Variants in YPEL2 observed in about 807,000 individuals in gnomAD.
The protein encoded by YPEL2 is protein yippee-like 2.
Under a neutral mutation model 19.1 loss-of-function variants are expected in YPEL2, and 2 were observed. The observed-to-expected ratio is 0.10, with a 90% CI of 0.04 to 0.33. YPEL2 has a LOEUF of 0.33. YPEL2 is among the 10% of genes least tolerant of loss of function. YPEL2 has a pLI of 1.00. For missense variants in YPEL2, 66 were observed against 140.7 expected (o/e 0.47, Z 2.68); for synonymous variants, 52 against 50.0 (o/e 1.04, Z -0.17).
intron 4 of YPEL2, among the ~76,000 whole-genome samples, chr17:59,395,632 C>G (rs2048035039): frequency 6.6e-6 from 1 of 152,110 alleles, no homozygotes; most frequent in South Asian, 2.1e-4. Context: ...TAAGGACTGC[C>G]AGGTTCTCTG....
chr17:59,384,682 G>C (rs557985897), intron 2 of YPEL2, among the ~76,000 whole-genome samples: 88 of 152,306 alleles, frequency 5.8e-4, no homozygotes, highest in African/African-American at 2.1e-3. Flanking sequence ...AAATGAGCTA[G>C]TATTTTCTCC....
intron 1 of YPEL2, among the ~76,000 whole-genome samples, chr17:59,333,299 A>T (rs2047681407): frequency 6.6e-6 from 1 of 152,156 alleles, no homozygotes; most frequent in Non-Finnish European, 1.5e-5. Flanking sequence ...ATAGGATCTC[A>T]GGCAGGAGTG....
At chr17:59,364,601 T>A (rs1036735636) in intron 2 of YPEL2, among the ~76,000 whole-genome samples, 1 of 148,370 alleles carries the variant, frequency 6.7e-6, no homozygotes, top group Non-Finnish European at 1.5e-5. Context: ...CATTAAGTAA[T>A]CCCTCTGTGT....
intron 2 of YPEL2, among the ~76,000 whole-genome samples, chr17:59,384,411 C>T (rs752169564): frequency 4.6e-5 from 7 of 152,172 alleles, no homozygotes; most frequent in Non-Finnish European, 8.8e-5. Flanking sequence ...ATATGCAAAA[C>T]ATTGCAAAGA....
intron 4 of YPEL2, among the ~76,000 whole-genome samples, chr17:59,394,066 C>T (rs545340638): frequency 6.6e-6 from 1 of 152,166 alleles, no homozygotes; most frequent in East Asian, 1.9e-4. Context: ...GGCAGAGGGG[C>T]TTCTCACTTC....
chr17:59,336,451 C>T (rs1013268120), intron 1 of YPEL2, among the ~76,000 whole-genome samples: 2 of 152,138 alleles, frequency 1.3e-5, no homozygotes, highest in Non-Finnish European at 2.9e-5. Context: ...CCAGGAGGCA[C>T]TATATGTGGG....
intron 2 of YPEL2, among the ~76,000 whole-genome samples, chr17:59,362,313 G>A (rs1340965845): frequency 6.6e-6 from 1 of 151,854 alleles, no homozygotes; most frequent in Non-Finnish European, 1.5e-5. Context: ...CATGGACAAG[G>A]GGAATTGGGT....
chr17:59,343,587 A>G (rs2047742116), intron 1 of YPEL2, among the ~76,000 whole-genome samples: 1 of 150,386 alleles, frequency 6.6e-6, no homozygotes, highest in African/African-American at 2.5e-5. Context: ...AGGTAGGCAG[A>G]GAAGGGTAGG....
chr17:59,363,089 A>G (rs992841938), intron 2 of YPEL2: 16 of 152,110 alleles, frequency 1.1e-4, no homozygotes, highest in Non-Finnish European at 8.8e-5. Flanking sequence ...AAGATGGAAA[A>G]TCTATGTTGC....
chr17:59,358,749 A>C (rs531607897), intron 2 of YPEL2, among the ~76,000 whole-genome samples: 1 of 152,114 alleles, frequency 6.6e-6, no homozygotes, highest in East Asian at 1.9e-4. Flanking sequence ...AGCTGGGATT[A>C]TAGGCGCCCG....
chr17:59,348,464 G>C (rs529765254), intron 1 of YPEL2, among the ~76,000 whole-genome samples: 1 of 152,356 alleles, frequency 6.6e-6, no homozygotes, highest in African/African-American at 2.4e-5. Context: ...CTCCCTTTTG[G>C]GGAAGGCCTG....
chr17:59,379,457 G>T (rs1598047155), intron 2 of YPEL2, among the ~76,000 whole-genome samples: 3 of 152,264 alleles, frequency 2.0e-5, no homozygotes, highest in Admixed American at 2.0e-4. Flanking sequence ...CAAGGGCAAA[G>T]GTTTTACTAA....
chr17:59,361,121 C>T lies in YPEL2; in HGVS notation c.117+7595C>T, dbSNP rs374388684. The stretch of plus-strand genomic sequence containing the variant: ...TGCTGGGATTACAGATGTGAGCCAC[C>T]GCACGCAGCTTGGGATAATTTGTAT... On this transcript the variant is annotated intron_variant, in intron 2 of 4. Coordinates refer to ENST00000312655, the MANE Select transcript of YPEL2 (RefSeq NM_001005404.4). Among the ~76,000 whole-genome samples, 7 of 152,288 alleles carry T rather than the reference C, an allele frequency of 4.6e-5. No individual in the cohort carries two copies. The East Asian group carries it at 9.7e-4, about 21-fold the overall frequency.
At chr17:59,377,806 A>G (rs1338921937) in intron 2 of YPEL2, among the ~76,000 whole-genome samples, 1 of 152,218 alleles carries the variant, frequency 6.6e-6, no homozygotes, top group Non-Finnish European at 1.5e-5. Context: ...TGGGGTGCTC[A>G]GGCTGAACAG....
At chr17:59,348,481 G>A (rs1345669578) in intron 1 of YPEL2, among the ~76,000 whole-genome samples, 4 of 152,228 alleles carry the variant, frequency 2.6e-5, no homozygotes, top group African/African-American at 4.8e-5. Flanking sequence ...CCTGTTGGCC[G>A]GGGAGGCGGC....
intron 2 of YPEL2, among the ~76,000 whole-genome samples, chr17:59,378,305 G>GA (rs34139100): frequency 0.65 from 97,503 of 150,942 alleles, 33,080 homozygotes; most frequent in African/African-American, 0.86. Context: ...AAGGGAATTT[G>GA]AAAGTCTGAT....
chr17:59,334,571 A>AACAT (rs528853324), intron 1 of YPEL2, among the ~76,000 whole-genome samples: 2 of 145,122 alleles, frequency 1.4e-5, no homozygotes, highest in African/African-American at 5.1e-5. Flanking sequence ...TTCAGGCACA[A>AACAT]ACACACACAC....
intron 2 of YPEL2, among the ~76,000 whole-genome samples, chr17:59,374,372 C>T (rs2047910351): frequency 6.6e-6 from 1 of 152,190 alleles, no homozygotes; most frequent in Non-Finnish European, 1.5e-5. Flanking sequence ...TAATTCTTAC[C>T]ACCATGACCC....
chr17:59,338,300 G>A (rs796670407), intron 1 of YPEL2, among the ~76,000 whole-genome samples: 8 of 152,308 alleles, frequency 5.3e-5, no homozygotes, highest in Admixed American at 2.0e-4. Flanking sequence ...GATCTTCTGG[G>A]TGTGAATGGT....
Sources: gnomAD v4.1 joint callset for allele counts (sites outside exome capture counted in the v4.1 genomes callset) on GRCh38, gnomAD v4.1.1 for gene constraint, MANE v1.5 for transcripts, NCBI Gene and HGNC (gene_info 2026-07-23, HGNC 2026-07-21) for gene names.